Variants in CREB5 observed in about 807,000 individuals in gnomAD.
CREB5 encodes cAMP responsive element binding protein 5.
CREB5 carries 19 observed loss-of-function variants against 57.1 expected under a neutral mutation model. That is an observed-to-expected ratio of 0.33 (90% CI 0.23 to 0.49). The LOEUF (loss-of-function observed/expected upper bound fraction) is 0.49. CREB5 is among the 20% of genes least tolerant of loss of function. CREB5 has a pLI of 0.99. For missense variants in CREB5, 579 were observed against 671.6 expected (o/e 0.86, Z 1.52); for synonymous variants, 238 against 238.3 (o/e 1.00, Z 0.01).
intron 3 of CREB5, among the ~76,000 whole-genome samples, chr7:28,496,384 T>C (rs1792047423): frequency 6.6e-6 from 1 of 152,206 alleles, no homozygotes; most frequent in South Asian, 2.1e-4. Flanking sequence ...TTTTAAATTC[T>C]TTTTTACTAA....
intron 1 of CREB5, among the ~76,000 whole-genome samples, chr7:28,406,422 A>G (rs530704030): frequency 3.7e-4 from 57 of 152,276 alleles, no homozygotes; most frequent in African/African-American, 1.4e-3. Context: ...GCCACCGCCA[A>G]TGGTACCTCG....
intron 4 of CREB5, among the ~76,000 whole-genome samples, chr7:28,531,314 T>C (rs1029080638): frequency 6.6e-6 from 1 of 152,176 alleles, no homozygotes; most frequent in African/African-American, 2.4e-5. Flanking sequence ...AAGGCTGATT[T>C]CTTCTGAGAG....
intron 1 of CREB5, among the ~76,000 whole-genome samples, chr7:28,357,224 C>T (rs969596720): frequency 1.3e-5 from 2 of 152,226 alleles, no homozygotes; most frequent in African/African-American, 4.8e-5. Flanking sequence ...CCAAATTCTA[C>T]AGCACATCTT....
chr7:28,592,533 A>G (rs1207421532), intron 5 of CREB5, among the ~76,000 whole-genome samples: 1 of 152,100 alleles, frequency 6.6e-6, no homozygotes, highest in Non-Finnish European at 1.5e-5. Flanking sequence ...TTTTGAACTG[A>G]GAATATGGTA....
At chr7:28,364,916 C>A (rs1189597003) in intron 1 of CREB5, among the ~76,000 whole-genome samples, 1 of 152,126 alleles carries the variant, frequency 6.6e-6, no homozygotes, top group African/African-American at 2.4e-5. Flanking sequence ...CTTCTACTAG[C>A]CTCCCAGTGA....
In CREB5 at chr7:28,412,836, G is replaced by A; in HGVS notation, c.-79G>A. 7.5e-7 allele frequency: 1 copy of A among 1,324,506 alleles called. No individual in the cohort carries two copies. Among genetic ancestry groups the A allele is most frequent in the African/African-American group, 1.5e-5 (1 of 68,156 alleles). 82.0% of individuals were successfully genotyped at this position (1,324,506 alleles called of 1,614,324 possible). On this transcript the variant is annotated 5_prime_UTR_variant, in exon 1 of 11. Coordinates refer to ENST00000357727, the MANE Select transcript of CREB5 (RefSeq NM_182898.4). ...TCCTAATCTTGCTGGTGAAACAGAA[G>A]TTACTAGAAAGAAAGGAAGAAAAAA...
chr7:28,394,135 T>C (rs1188850749), intron 1 of CREB5, among the ~76,000 whole-genome samples: 1 of 142,774 alleles, frequency 7.0e-6, no homozygotes, highest in Non-Finnish European at 1.5e-5. Flanking sequence ...TAAATGTATA[T>C]TGCAAACTCT....
intron 4 of CREB5, among the ~76,000 whole-genome samples, chr7:28,539,977 A>G (rs1212940771): frequency 1.3e-5 from 2 of 152,210 alleles, no homozygotes; most frequent in African/African-American, 2.4e-5. Flanking sequence ...GTTTCCAAGG[A>G]TGCATGGTAC....
chr7:28,496,026 T>C (rs1027120448), intron 3 of CREB5, among the ~76,000 whole-genome samples: 1 of 132,388 alleles, frequency 7.6e-6, no homozygotes, highest in Non-Finnish European at 1.6e-5. Flanking sequence ...GGCTTTGCCT[T>C]ACCTGGCCAT....
At chr7:28,678,065 C>T (rs1352241180) in intron 5 of CREB5, among the ~76,000 whole-genome samples, 1 of 152,196 alleles carries the variant, frequency 6.6e-6, no homozygotes, top group Non-Finnish European at 1.5e-5. Flanking sequence ...ACACCTTGGA[C>T]ATCATAATAT....
At chr7:28,698,371 AC>A (rs1562580051) in intron 5 of CREB5, among the ~76,000 whole-genome samples, 2 of 143,884 alleles carry the variant, frequency 1.4e-5, no homozygotes. Context: ...AAAAAAAAAA[AC>A]ACACTCACAG....
At chr7:28,525,511 A>G (rs1030281543) in intron 4 of CREB5, among the ~76,000 whole-genome samples, 1 of 152,120 alleles carries the variant, frequency 6.6e-6, no homozygotes, top group Non-Finnish European at 1.5e-5. Context: ...ATTATTTATA[A>G]TAGCCATCCT....
chr7:28,752,025 G>T (rs559976845), intron 7 of CREB5, among the ~76,000 whole-genome samples: 1 of 152,148 alleles, frequency 6.6e-6, no homozygotes, highest in Non-Finnish European at 1.5e-5. Context: ...ATACTTCAGA[G>T]GTGATGTTGT....
chr7:28,364,326 T>A (rs747265796), intron 1 of CREB5, among the ~76,000 whole-genome samples: 7 of 152,230 alleles, frequency 4.6e-5, no homozygotes, highest in Non-Finnish European at 1.0e-4. Flanking sequence ...GAAAAAACTC[T>A]AGCTCTTTGA....
chr7:28,381,182 G>T (rs1434283949), intron 1 of CREB5, among the ~76,000 whole-genome samples: 3 of 152,122 alleles, frequency 2.0e-5, no homozygotes, highest in African/African-American at 7.2e-5. Context: ...TCAAGATTAG[G>T]GTGAACATGA....
At chr7:28,339,681 C>A (rs1260122159) in intron 1 of CREB5, among the ~76,000 whole-genome samples, 1 of 152,202 alleles carries the variant, frequency 6.6e-6, no homozygotes, top group Non-Finnish European at 1.5e-5. Context: ...ATGCAATTAG[C>A]AGGTGGCAAA....
intron 1 of CREB5, among the ~76,000 whole-genome samples, chr7:28,321,427 A>T (rs533051380): frequency 6.6e-6 from 1 of 152,214 alleles, no homozygotes; most frequent in Non-Finnish European, 1.5e-5. Context: ...TTTTTCTTCT[A>T]TCTCTCTCTC....
intron 1 of CREB5, among the ~76,000 whole-genome samples, chr7:28,331,728 A>T (rs1270974569): frequency 6.6e-6 from 1 of 151,998 alleles, no homozygotes; most frequent in Non-Finnish European, 1.5e-5. Flanking sequence ...TCGCACCTGT[A>T]ATCCCAGCTA....
At chr7:28,334,377 C>T (rs1356505515) in intron 1 of CREB5, among the ~76,000 whole-genome samples, 1 of 152,052 alleles carries the variant, frequency 6.6e-6, no homozygotes, top group Non-Finnish European at 1.5e-5. Context: ...GGCTGGTCTC[C>T]AATTCCTGAC....
Sources: gnomAD v4.1 joint callset for allele counts (sites outside exome capture counted in the v4.1 genomes callset) on GRCh38, gnomAD v4.1.1 for gene constraint, MANE v1.5 for transcripts, NCBI Gene and HGNC (gene_info 2026-07-23, HGNC 2026-07-21) for gene names.